The following PDE4D variants were observed in gnomAD, a reference collection of about 807,000 sequenced individuals.
PDE4D encodes the protein 3',5'-cyclic-AMP phosphodiesterase 4D.
PDE4D carries 24 observed loss-of-function variants against 87.4 expected under a neutral mutation model. The ratio of observed to expected loss-of-function variants is 0.27; its 90% CI spans 0.20 to 0.39. PDE4D has a LOEUF of 0.39. PDE4D is among the 10% of genes least tolerant of loss of function. PDE4D has a pLI of 1.00. For missense variants in PDE4D, 714 were observed against 1,041.0 expected (o/e 0.69, Z 4.32); for synonymous variants, 384 against 383.2 (o/e 1.00, Z -0.02).
intron 5 of PDE4D, among the ~76,000 whole-genome samples, chr5:59,171,449 T>C (rs1242740097): frequency 6.6e-6 from 1 of 152,224 alleles, no homozygotes; most frequent in Non-Finnish European, 1.5e-5. Flanking sequence ...TATTTGTTCC[T>C]ACGATTGGAA....
At chr5:59,842,872 A>G (rs892194523) in intron 1 of PDE4D, among the ~76,000 whole-genome samples, 3 of 151,988 alleles carry the variant, frequency 2.0e-5, no homozygotes, top group African/African-American at 4.8e-5. Context: ...TTTTTTCCTT[A>G]ATGATAAAAC....
chr5:59,442,246 A>G (rs1234367360), intron 1 of PDE4D, among the ~76,000 whole-genome samples: 1 of 152,246 alleles, frequency 6.6e-6, no homozygotes, highest in African/African-American at 2.4e-5. Context: ...ACTTTGTAAT[A>G]TAGAAAACCA....
chr5:60,296,627 A>G (rs773974265), intron 1 of PDE4D, among the ~76,000 whole-genome samples: 23 of 152,166 alleles, frequency 1.5e-4, no homozygotes, highest in Non-Finnish European at 3.2e-4. Flanking sequence ...ATGCTATTGC[A>G]AAAGACACAT....
At chr5:59,185,152 T>G (rs1330813232) in intron 4 of PDE4D, 37 bp downstream of exon 4, 1 of 1,533,024 alleles carries the variant, frequency 6.5e-7, no homozygotes, top group South Asian at 1.1e-5. Context: ...TATTTAAAAG[T>G]TCAGCAAAAA....
intron 1 of PDE4D, among the ~76,000 whole-genome samples, chr5:59,696,107 T>G (rs1056771089): frequency 1.3e-5 from 2 of 152,186 alleles, no homozygotes; most frequent in Admixed American, 6.6e-5. Context: ...AAAGTCAACT[T>G]TTGTTACTAT....
At chr5:60,421,203 G>C (rs1436093302) in intron 1 of PDE4D, among the ~76,000 whole-genome samples, 1 of 151,952 alleles carries the variant, frequency 6.6e-6, no homozygotes, top group Non-Finnish European at 1.5e-5. Context: ...CATGGCGTTT[G>C]AGCTTTGAGA....
intron 1 of PDE4D, among the ~76,000 whole-genome samples, chr5:59,832,582 T>G (rs1457771323): frequency 6.6e-6 from 1 of 152,072 alleles, no homozygotes; most frequent in Non-Finnish European, 1.5e-5. Flanking sequence ...GATATATATG[T>G]GTAAGTCAGT....
intron 1 of PDE4D, among the ~76,000 whole-genome samples, chr5:59,738,647 C>T (rs144668695): frequency 2.0e-5 from 3 of 151,962 alleles, no homozygotes; most frequent in Non-Finnish European, 4.4e-5. Flanking sequence ...CTCTTTGATG[C>T]ATAAATGGCT....
chr5:59,971,489 T>C (rs1351065923), intron 3 of PDE4D, among the ~76,000 whole-genome samples: 1 of 152,102 alleles, frequency 6.6e-6, no homozygotes, highest in South Asian at 2.1e-4. Context: ...GGAAGAGACA[T>C]GCAGTTTATA....
At chr5:60,199,504 T>C (rs1172334924) in intron 1 of PDE4D, among the ~76,000 whole-genome samples, 2 of 151,658 alleles carry the variant, frequency 1.3e-5, no homozygotes, top group Admixed American at 6.6e-5. Flanking sequence ...ATGAATTTCT[T>C]AGTGAAAATG....
chr5:59,083,205 T>C (rs1767076127), intron 5 of PDE4D, among the ~76,000 whole-genome samples: 1 of 152,118 alleles, frequency 6.6e-6, no homozygotes, highest in South Asian at 2.1e-4. Context: ...TCACTTCTAA[T>C]CTTGCTGATG....
intron 1 of PDE4D, among the ~76,000 whole-genome samples, chr5:59,266,297 A>G (rs976928845): frequency 7.9e-5 from 12 of 151,836 alleles, no homozygotes; most frequent in Non-Finnish European, 2.9e-5. Flanking sequence ...ATATTCTTCA[A>G]CAAATCTTTT....
At chr5:59,193,433 G>T in intron 3 of PDE4D, 67 bp downstream of exon 3, 3 of 1,348,976 alleles carry the variant, frequency 2.2e-6, no homozygotes, top group Non-Finnish European at 3.2e-6. Context: ...TTAATAACCC[G>T]AACTAATTCC....
intron 1 of PDE4D, among the ~76,000 whole-genome samples, chr5:59,401,889 T>A (rs1790714753): frequency 6.6e-6 from 1 of 152,222 alleles, no homozygotes; most frequent in Non-Finnish European, 1.5e-5. Flanking sequence ...CTAAGCTGAA[T>A]GAATAGCATG....
In PDE4D at chr5:59,398,693, C is replaced by T; in HGVS notation, c.456-182725G>A. Reference sequence around the variant, plus strand: ...CACAAGACAGGGATGCTCTCTCTCACCACTCCTATTTAACATAGTGTTGGA... The same window carrying T: ...CACAAGACAGGGATGCTCTCTCTCATCACTCCTATTTAACATAGTGTTGGA... On this transcript the variant is annotated intron_variant, in intron 1 of 14. Transcript: ENST00000340635. Among the ~76,000 whole-genome samples the T allele has an allele frequency of 1.7e-5, 2 of 116,782 alleles. 1 individual carries two copies. The highest frequency in any genetic ancestry group is 3.6e-5 in the Non-Finnish European group (2 of 55,870). The allele number at this position is 116,782 out of a possible 152,430, so 76.6% of individuals were successfully genotyped here.
intron 1 of PDE4D, among the ~76,000 whole-genome samples, chr5:59,320,150 C>A (rs1325114794): frequency 6.6e-6 from 1 of 151,870 alleles, no homozygotes; most frequent in Non-Finnish European, 1.5e-5. Context: ...CTTCCAAATG[C>A]AAAAAGTGTG....
chr5:59,484,585 C>T (rs115556536), intron 1 of PDE4D, among the ~76,000 whole-genome samples: 2,862 of 152,230 alleles, frequency 0.019, 111 homozygotes, highest in African/African-American at 0.065. Context: ...CAATGATGTC[C>T]GTTCCCCTTC....
intron 1 of PDE4D, among the ~76,000 whole-genome samples, chr5:59,323,096 A>C (rs1293429714): frequency 6.6e-6 from 1 of 152,128 alleles, no homozygotes; most frequent in Non-Finnish European, 1.5e-5. Context: ...TTGCCTATTC[A>C]AGCTTGCTAG....
chr5:60,269,164 G>A (rs1396483813), intron 1 of PDE4D, among the ~76,000 whole-genome samples: 2 of 152,140 alleles, frequency 1.3e-5, no homozygotes, highest in East Asian at 1.9e-4. Flanking sequence ...AAAATTAGCT[G>A]GGCGTGGTGG....
Sources: allele counts gnomAD v4.1 joint callset (sites outside exome capture counted in the v4.1 genomes callset), GRCh38; gene constraint gnomAD v4.1.1; transcripts MANE v1.5; gene names NCBI Gene and HGNC (gene_info 2026-07-23, HGNC 2026-07-21).